Variants in RYR3 observed in about 807,000 individuals in gnomAD.
RYR3 encodes ryanodine receptor 3, also known as brain ryanodine receptor-calcium release channel.
A neutral mutation model predicts 584.3 loss-of-function variants in RYR3; 207 were observed. The observed-to-expected ratio is 0.35, with a 90% CI of 0.32 to 0.40. The LOEUF (loss-of-function observed/expected upper bound fraction) is 0.40, where lower values mean the gene tolerates loss of function less well. RYR3 is among the 10% of genes least tolerant of loss of function. The pLI is 1.00. For synonymous variants in RYR3, 2,416 were observed against 2,248.5 expected (o/e 1.07, Z -2.11); for missense variants, 5,616 against 6,089.2 (o/e 0.92, Z 2.59).
chr15:33,726,607 C>T (rs2068480307), intron 46 of RYR3, 101 bp downstream of exon 46: 1 of 1,312,934 alleles, frequency 7.6e-7, no homozygotes, highest in Non-Finnish European at 1.0e-6. Context: ...CCCTGACTTG[C>T]AGGGCGGGCT....
At chr15:33,626,550 T>C (rs1043212361) in intron 20 of RYR3, among the ~76,000 whole-genome samples, 4 of 152,162 alleles carry the variant, frequency 2.6e-5, no homozygotes, top group Non-Finnish European at 5.9e-5. Context: ...GAGCCGAATG[T>C]TAATCACCAA....
intron 48 of RYR3, among the ~76,000 whole-genome samples, chr15:33,732,006 C>G (rs1026313842): frequency 5.9e-5 from 9 of 152,186 alleles, no homozygotes; most frequent in Non-Finnish European, 1.2e-4. Flanking sequence ...TCTCTTCATT[C>G]TCAAGATAGA....
At chr15:33,550,800 A>G (rs2056622232) in intron 10 of RYR3, among the ~76,000 whole-genome samples, 1 of 152,230 alleles carries the variant, frequency 6.6e-6, no homozygotes, top group Admixed American at 6.5e-5. Context: ...AAATTTTTTT[A>G]ATGATGCAGA....
At chr15:33,312,097 A>T (rs1055337473) in intron 1 of RYR3, among the ~76,000 whole-genome samples, 1 of 152,226 alleles carries the variant, frequency 6.6e-6, no homozygotes. Context: ...CGTTATCGTG[A>T]ATGTCATAAT....
intron 1 of RYR3, among the ~76,000 whole-genome samples, chr15:33,415,040 T>C (rs2043699424): frequency 6.6e-6 from 1 of 152,242 alleles, no homozygotes; most frequent in East Asian, 1.9e-4. Context: ...ACTGGCCATA[T>C]GTGGCTGTTG....
rs749164281 is a variant in RYR3, at chr15:33,601,538, T to A, written c.1908T>A (p.Ile636=). 3.1e-6 allele frequency: 5 copies of A among 1,613,744 alleles called. No homozygotes were observed. The East Asian group carries it at 1.1e-4, about 36-fold the overall frequency. ...ACCTACTCCTGCAGACACGACTGAT[T>A]AACGATGTAACCAGGTAAGGCCACC... ...RRNLLLQTRL[I]NDVTSIRPNI... The change falls in exon 17 of 104, where the codon ATT becomes ATA. Residue 636 remains isoleucine (I), a synonymous_variant. Coordinates refer to ENST00000634891, the MANE Select transcript of RYR3 (RefSeq NM_001036.6).
chr15:33,344,115 G>T (rs1234109432), intron 1 of RYR3, among the ~76,000 whole-genome samples: 1 of 152,200 alleles, frequency 6.6e-6, no homozygotes, highest in Non-Finnish European at 1.5e-5. Context: ...TATTAATGCA[G>T]AGTAATGAGA....
chr15:33,563,839 G>A (rs1415311320), intron 11 of RYR3, among the ~76,000 whole-genome samples: 1 of 152,014 alleles, frequency 6.6e-6, no homozygotes, highest in Non-Finnish European at 1.5e-5. Flanking sequence ...ACACAGACTA[G>A]GAAAATATCC....
intron 89 of RYR3, among the ~76,000 whole-genome samples, chr15:33,839,321 C>T (rs1357798411): frequency 1.3e-5 from 2 of 152,198 alleles, no homozygotes; most frequent in Admixed American, 6.5e-5. Context: ...GGAGACCTTC[C>T]TTCTGAGTCC....
At chr15:33,399,616 C>G (rs577609052) in intron 1 of RYR3, among the ~76,000 whole-genome samples, 3 of 151,990 alleles carry the variant, frequency 2.0e-5, no homozygotes, top group African/African-American at 7.3e-5. Context: ...CCAGCCTGGG[C>G]GACAGAGTAA....
rs1488395479 is a variant in RYR3 at position 33,736,100 on chromosome 15, T to G, written c.7425-135T>G. Reference sequence around the variant, plus strand: ...CAAGTGTTTCATCATCTACTCTTGTTTATCCGAGATCTTGTGTATTAGGAG... The same window carrying G: ...CAAGTGTTTCATCATCTACTCTTGTGTATCCGAGATCTTGTGTATTAGGAG... On this transcript the variant is annotated intron_variant, in intron 48 of 103. Transcript: ENST00000634891. 4 of 596,324 alleles carry G rather than the reference T, an allele frequency of 6.7e-6. No individual in the cohort carries two copies. In the East Asian group the frequency reaches 1.1e-4, roughly 17 times the overall value. 36.9% of individuals were successfully genotyped at this position (596,324 alleles called of 1,614,324 possible).
intron 3 of RYR3, among the ~76,000 whole-genome samples, chr15:33,509,675 C>T (rs1209639269): frequency 6.6e-6 from 1 of 152,080 alleles, no homozygotes; most frequent in Non-Finnish European, 1.5e-5. Flanking sequence ...TAGGTCTTGC[C>T]CATGTATGTG....
Position 33,556,665 on chromosome 15 carries a change from G to C in RYR3, c.973-6172G>C, listed in dbSNP as rs527862587. ...TTGAGAAACATGAACCTGTAGAATA[G>C]AGTTCAGAGTCCTTAATTTTTGCTC... On this transcript the variant is annotated intron_variant, in intron 10 of 103. Coordinates refer to ENST00000634891, the MANE Select transcript of RYR3 (RefSeq NM_001036.6). Among the ~76,000 whole-genome samples, 8 of 152,254 alleles carry C rather than the reference G, an allele frequency of 5.3e-5. No homozygotes were observed. The South Asian group carries it at 1.7e-3, about 32-fold the overall frequency.
chr15:33,768,232 A>G (rs1459694597), intron 60 of RYR3, among the ~76,000 whole-genome samples: 1 of 152,224 alleles, frequency 6.6e-6, no homozygotes, highest in South Asian at 2.1e-4. Context: ...CTAAAACTTC[A>G]TACCCTCAAT....
chr15:33,584,354 T>C (rs1373546735), intron 14 of RYR3, 41 bp from the exon 15 acceptor site: 3 of 1,114,850 alleles, frequency 2.7e-6, no homozygotes, highest in Non-Finnish European at 4.0e-6. Context: ...CCCATCATTA[T>C]ATCCTTTAAC....
intron 1 of RYR3, among the ~76,000 whole-genome samples, chr15:33,322,682 A>G (rs1220043575): frequency 6.6e-6 from 1 of 152,148 alleles, no homozygotes; most frequent in Non-Finnish European, 1.5e-5. Context: ...CAATTCACAT[A>G]AATGACTACA....
Position 33,836,920 on chromosome 15 carries a change from C to G in RYR3, c.11583C>G (p.Ile3861Met). The G allele has an allele frequency of 6.2e-7, 1 of 1,613,248 alleles. No individual in the cohort carries two copies. The highest frequency in any genetic ancestry group is 8.5e-7 in the Non-Finnish European group (1 of 1,179,604). The change falls in exon 88 of 104, where the codon ATC becomes ATG. Residue 3861 changes from isoleucine to methionine, a missense_variant. Coordinates refer to ENST00000634891, the MANE Select transcript of RYR3 (RefSeq NM_001036.6). ...TTCTGTTCTAGGATTCCAGTCAGATCGAGCTGCTGAAGGAACTCTTGGATC... is the reference window on the plus strand; with the variant it reads ...TTCTGTTCTAGGATTCCAGTCAGATGGAGCTGCTGAAGGAACTCTTGGATC... ...QMKLSQDSSQ[I>M]ELLKELLDLL...
intron 5 of RYR3, among the ~76,000 whole-genome samples, chr15:33,537,809 T>C (rs7177351): frequency 0.07 from 10,626 of 152,208 alleles, 1,124 homozygotes; most frequent in African/African-American, 0.22. Flanking sequence ...AATCTGGAAA[T>C]GCTCATTTTT....
chr15:33,538,400 G>A (rs1314944366), intron 5 of RYR3, among the ~76,000 whole-genome samples: 1 of 152,124 alleles, frequency 6.6e-6, no homozygotes, highest in African/African-American at 2.4e-5. Flanking sequence ...CTCAAATTTG[G>A]GTGGAGGGAG....
Sources: allele counts gnomAD v4.1 joint callset (sites outside exome capture counted in the v4.1 genomes callset), GRCh38; gene constraint gnomAD v4.1.1; transcripts MANE v1.5; gene names NCBI Gene and HGNC (gene_info 2026-07-23, HGNC 2026-07-21).